The following CACNA1C variants were observed in gnomAD, a reference collection of about 807,000 sequenced individuals.
CACNA1C encodes the protein voltage-dependent L-type calcium channel subunit alpha-1C.
In CACNA1C, 30 loss-of-function variants were observed where a neutral mutation model predicts 229.0. That is an observed-to-expected ratio of 0.13 (90% CI 0.10 to 0.18). The LOEUF is 0.18. Ranked by LOEUF, CACNA1C falls within the 10% of genes least tolerant of loss-of-function variation. The pLI is 1.00. For synonymous variants in CACNA1C, 1,114 were observed against 1,132.5 expected (o/e 0.98, Z 0.33); for missense variants, 1,658 against 2,845.0 (o/e 0.58, Z 9.49).
chr12:2,474,997 A>C (rs953880251), intron 5 of CACNA1C, among the ~76,000 whole-genome samples: 2 of 151,990 alleles, frequency 1.3e-5, no homozygotes, highest in African/African-American at 4.8e-5. Context: ...TTGAAAACCA[A>C]TTGTGTGAAA....
intron 3 of CACNA1C, among the ~76,000 whole-genome samples, chr12:2,338,818 ACTT>A (rs575310207): frequency 2.6e-5 from 4 of 151,706 alleles, no homozygotes; most frequent in Non-Finnish European, 5.9e-5. Context: ...AATGAAGGGA[ACTT>A]CTTTCCTTCT....
intron 3 of CACNA1C, among the ~76,000 whole-genome samples, chr12:2,241,743 TG>T (rs1463581597): frequency 6.6e-6 from 1 of 152,234 alleles, no homozygotes; most frequent in Non-Finnish European, 1.5e-5. Context: ...GGGGGAATTT[TG>T]TGGAAAGATC....
intron 9 of CACNA1C, among the ~76,000 whole-genome samples, chr12:2,532,523 G>A (rs569128841): frequency 5.9e-5 from 9 of 152,296 alleles, no homozygotes; most frequent in African/African-American, 1.9e-4. Flanking sequence ...TGTTACTCTT[G>A]TAATGTAAGC....
intron 1 of CACNA1C, among the ~76,000 whole-genome samples, chr12:2,075,146 G>A (rs1259650830): frequency 6.6e-6 from 1 of 152,152 alleles, no homozygotes. Context: ...CTTAGCCCAG[G>A]CCTCCATTTG....
At chr12:2,068,243 C>T (rs1021819323) in intron 1 of CACNA1C, among the ~76,000 whole-genome samples, 4 of 152,182 alleles carry the variant, frequency 2.6e-5, no homozygotes, top group African/African-American at 7.2e-5. Flanking sequence ...TCTGAGCTTA[C>T]CCTTGGTGTA....
chr12:2,469,410 G>C (rs770943237), intron 5 of CACNA1C, among the ~76,000 whole-genome samples: 14 of 152,174 alleles, frequency 9.2e-5, no homozygotes, highest in Admixed American at 3.9e-4. Context: ...TACTGGCAAA[G>C]GACTGAAATA....
chr12:2,379,757 C>T (rs1260859777), intron 3 of CACNA1C, among the ~76,000 whole-genome samples: 6 of 152,008 alleles, frequency 3.9e-5, no homozygotes, highest in East Asian at 1.9e-4. Context: ...CATGGCCGGG[C>T]GCGGTGGCTC....
Position 2,602,633 on chromosome 12 carries a change from TGTGTGTGTGTGTGTGTGTG to T in CACNA1C, c.2960+674_2960+692del, listed in dbSNP as rs2073222940. Among the ~76,000 whole-genome samples, 1 of 21,196 alleles carries T rather than the reference TGTGTGTGTGTGTGTGTGTG, an allele frequency of 4.7e-5. No individual in the cohort carries two copies. The highest frequency in any genetic ancestry group is 1.2e-4 in the African/African-American group (1 of 8,416). 13.9% of individuals were successfully genotyped at this position (21,196 alleles called of 152,430 possible). A position where few individuals can be genotyped will look rare whatever the true frequency, so the allele number is the denominator to read the frequency against. ...TGTGACTGTGTATATTTGTGTCTTG[TGTGTGTGTGTGTGTGTGTG>T]TGTGTGTGTGTGTGTGTGAGTTTTT... is the stretch of plus-strand genomic sequence containing the variant. On this transcript the variant is annotated intron_variant, in intron 22 of 46. Transcript: ENST00000399655. This position sits in a 1 kb window ranked among gnomAD's most constrained non-coding sequence, Gnocchi z 4.4.
rs1374560857 is a variant in CACNA1C, at chr12:2,651,505, G to A, written c.3946-135G>A. On this transcript the variant is annotated intron_variant, in intron 31 of 46. Coordinates refer to ENST00000399655, the MANE Select transcript of CACNA1C (RefSeq NM_000719.7). This position sits in a 1 kb window ranked among gnomAD's most constrained non-coding sequence, Gnocchi z 5.4. ...GTGGGCGGCCGCCCTCCCATCGGAGGGGGAAGTCTAGTGCAGCAAACCCTG... is the reference window on the plus strand; with the variant it reads ...GTGGGCGGCCGCCCTCCCATCGGAGAGGGAAGTCTAGTGCAGCAAACCCTG... 7.4e-7 allele frequency: 1 copy of A among 1,342,714 alleles called. No homozygotes were observed. Among genetic ancestry groups the A allele is most frequent in the Non-Finnish European group, 1.1e-6 (1 of 947,028 alleles). The allele number at this position is 1,342,714 out of a possible 1,614,324, so 83.2% of individuals were successfully genotyped here. A position where few individuals can be genotyped will look rare whatever the true frequency, so the allele number is the denominator to read the frequency against.
intron 3 of CACNA1C, among the ~76,000 whole-genome samples, chr12:2,148,168 C>T (rs771278340): frequency 3.3e-5 from 5 of 151,310 alleles, no homozygotes; most frequent in Admixed American, 6.6e-5. Context: ...CACTCTGCAG[C>T]AAACCAATCA....
Position 2,140,438 on chromosome 12 carries a change from A to C in CACNA1C, c.477+20008A>C, listed in dbSNP as rs753139251. 1.3e-5 allele frequency among the ~76,000 whole-genome samples: 2 copies of C among 151,400 alleles called. 1 individual carries two copies. The highest frequency in any genetic ancestry group is 3.0e-5 in the Non-Finnish European group (2 of 67,670). On this transcript the variant is annotated intron_variant, in intron 3 of 46. Coordinates refer to ENST00000399655, the MANE Select transcript of CACNA1C (RefSeq NM_000719.7). ...ACTGAATGAATATGTGAAGAAGAGA[A>C]GCTGTTCATGGACTAGGGATTCTGG... is the stretch of plus-strand genomic sequence containing the variant.
intron 3 of CACNA1C, among the ~76,000 whole-genome samples, chr12:2,191,544 G>A (rs181260873): frequency 3.3e-5 from 5 of 151,956 alleles, no homozygotes; most frequent in African/African-American, 1.2e-4. Flanking sequence ...ATACACACAT[G>A]GACACATTCA....
intron 3 of CACNA1C, among the ~76,000 whole-genome samples, chr12:2,158,106 C>G (rs889317367): frequency 6.6e-6 from 1 of 152,092 alleles, no homozygotes; most frequent in Non-Finnish European, 1.5e-5. Context: ...AAAGAGATAA[C>G]TACAAAAACA....
rs552973854 is a variant in CACNA1C at position 2,491,998 on chromosome 12, T to C, written c.917-1192T>C. ...TCTCTCTCTCTCTCTCTCTCTCTCT[T>C]TGGAAGTGTATTTTCATTGTTATAG... On this transcript the variant is annotated intron_variant, in intron 6 of 46. Transcript: ENST00000399655. Among the ~76,000 whole-genome samples the C allele has an allele frequency of 9.2e-4, 122 of 132,480 alleles. 1 individual carries two copies. Among genetic ancestry groups the C allele is most frequent in the Non-Finnish European group, 1.7e-3 (104 of 61,642 alleles). 86.9% of individuals were successfully genotyped at this position (132,480 alleles called of 152,430 possible). A position where few individuals can be genotyped will look rare whatever the true frequency, so the allele number is the denominator to read the frequency against.
At chr12:2,299,625 G>A (rs1372866592) in intron 3 of CACNA1C, among the ~76,000 whole-genome samples, 4 of 152,190 alleles carry the variant, frequency 2.6e-5, no homozygotes, top group Admixed American at 2.6e-4. Flanking sequence ...CAGAACCTCT[G>A]AGGGTAGGAA....
At chr12:2,535,113 G>A (rs1158662308) in intron 9 of CACNA1C, among the ~76,000 whole-genome samples, 1 of 152,212 alleles carries the variant, frequency 6.6e-6, no homozygotes, top group Non-Finnish European at 1.5e-5. Flanking sequence ...GCTAGAGCCG[G>A]GCACGGTGGC....
intron 3 of CACNA1C, among the ~76,000 whole-genome samples, chr12:2,206,827 C>T (rs10848632): frequency 0.34 from 51,849 of 152,134 alleles, 9,328 homozygotes; most frequent in South Asian, 0.39. Flanking sequence ...TGCAGACCAT[C>T]TCCCACATGA....
chr12:2,201,049 G>A (rs1386558173), intron 3 of CACNA1C, among the ~76,000 whole-genome samples: 3 of 152,152 alleles, frequency 2.0e-5, no homozygotes, highest in Non-Finnish European at 2.9e-5. Context: ...CCTAAAAAAC[G>A]TATTTTTCTA....
intron 3 of CACNA1C, among the ~76,000 whole-genome samples, chr12:2,137,455 T>A (rs1406441907): frequency 6.6e-6 from 1 of 151,042 alleles, no homozygotes; most frequent in East Asian, 1.9e-4. Context: ...GCATGGTGGC[T>A]TGCACCTGTA....
Sources: gnomAD v4.1 joint callset for allele counts (sites outside exome capture counted in the v4.1 genomes callset) on GRCh38, gnomAD v4.1.1 for gene constraint, Gnocchi (gnomAD v3.1) non-coding constraint, MANE v1.5 for transcripts, NCBI Gene and HGNC (gene_info 2026-07-23, HGNC 2026-07-21) for gene names.